COL25A1: variants seen among roughly 807,000 people sequenced by gnomAD.
COL25A1 encodes the protein collagen alpha-1(XXV) chain.
COL25A1 carries 103 observed loss-of-function variants against 128.4 expected under a neutral mutation model. The observed-to-expected ratio is 0.80, with a 90% CI of 0.68 to 0.94. The LOEUF is 0.94. COL25A1 is among the 40% of genes least tolerant of loss of function. The probability of loss-of-function intolerance (pLI) is 0.00; values close to 1 mark genes in which losing one functional copy is unlikely to be tolerated. For missense variants in COL25A1, 745 were observed against 840.0 expected (o/e 0.89, Z 1.40); for synonymous variants, 279 against 277.2 (o/e 1.01, Z -0.06).
At chr4:108,955,450 T>C (rs1749963365) in intron 8 of COL25A1, among the ~76,000 whole-genome samples, 1 of 152,192 alleles carries the variant, frequency 6.6e-6, no homozygotes. Context: ...ATCCAATTTG[T>C]GAATTACTAA....
intron 3 of COL25A1, among the ~76,000 whole-genome samples, chr4:109,178,484 T>C (rs1774303038): frequency 1.3e-5 from 2 of 152,166 alleles, no homozygotes; most frequent in East Asian, 3.9e-4. Context: ...ACAATGAGGC[T>C]GAGGACAAAC....
intron 20 of COL25A1, among the ~76,000 whole-genome samples, chr4:108,868,691 G>T (rs181896477): frequency 7.1e-6 from 1 of 139,956 alleles, no homozygotes; most frequent in Non-Finnish European, 1.5e-5. Flanking sequence ...GAAGGGAAGC[G>T]AAGGGAAGGA....
In COL25A1 at chr4:108,817,449, A is replaced by T; in HGVS notation, c.1924-14T>A. The T allele has an allele frequency of 3.1e-6, 5 of 1,612,314 alleles. No homozygotes were observed. The highest frequency in any genetic ancestry group is 4.2e-6 in the Non-Finnish European group (5 of 1,178,660). On this transcript the variant is annotated splice_polypyrimidine_tract_variant and intron_variant, in intron 36 of 37. Coordinates refer to ENST00000399132, the MANE Select transcript of COL25A1 (RefSeq NM_198721.4). ...GCCATCTGGCCCCTGTTTTAAAGAG[A>T]AGAAAAAGAATTCCTCAGGTTCCAT...
chr4:109,155,039 T>G (rs1278790265), intron 3 of COL25A1, among the ~76,000 whole-genome samples: 1 of 152,158 alleles, frequency 6.6e-6, no homozygotes, highest in African/African-American at 2.4e-5. Flanking sequence ...AGCTCTGATA[T>G]CACTTAAAGT....
At chr4:109,077,085 T>C (rs539688626) in intron 3 of COL25A1, among the ~76,000 whole-genome samples, 5 of 152,158 alleles carry the variant, frequency 3.3e-5, no homozygotes, top group South Asian at 2.1e-4. Context: ...GCTCTTGCTG[T>C]GTTTAAAGCA....
chr4:109,040,644 C>T (rs1176969493), intron 5 of COL25A1, among the ~76,000 whole-genome samples: 1 of 152,116 alleles, frequency 6.6e-6, no homozygotes, highest in Non-Finnish European at 1.5e-5. Context: ...AGGCAGACCG[C>T]CCTAGGAATT....
intron 3 of COL25A1, among the ~76,000 whole-genome samples, chr4:109,239,470 T>C (rs1354582936): frequency 6.7e-6 from 1 of 149,008 alleles, no homozygotes; most frequent in Non-Finnish European, 1.5e-5. Context: ...GCTACAAACC[T>C]GTACAGCAGG....
At chr4:108,942,309 C>T (rs1310344896) in intron 8 of COL25A1, 11 of 1,528,820 alleles carry the variant, frequency 7.2e-6, no homozygotes, top group Admixed American at 3.9e-5. Context: ...CGACATAAAA[C>T]GTCACACAGA....
chr4:109,030,730 A>T (rs1453682743), intron 5 of COL25A1, among the ~76,000 whole-genome samples: 3 of 151,798 alleles, frequency 2.0e-5, no homozygotes, highest in Admixed American at 6.6e-5. Flanking sequence ...CCTGTTAAAA[A>T]TTTTTAAAAG....
intron 3 of COL25A1, among the ~76,000 whole-genome samples, chr4:109,162,176 G>A (rs1183873954): frequency 2.0e-5 from 3 of 152,172 alleles, no homozygotes; most frequent in Non-Finnish European, 4.4e-5. Flanking sequence ...TATCAGGAAA[G>A]GCTTCCCGTA....
At chr4:109,266,144 A>C (rs1781778888) in intron 3 of COL25A1, among the ~76,000 whole-genome samples, 3 of 152,228 alleles carry the variant, frequency 2.0e-5, no homozygotes, top group Admixed American at 2.0e-4. Flanking sequence ...ACACATGAAA[A>C]GTTTTTTAAC....
At chr4:109,278,216 G>A (rs1723035855) in intron 3 of COL25A1, among the ~76,000 whole-genome samples, 2 of 151,972 alleles carry the variant, frequency 1.3e-5, no homozygotes, top group South Asian at 2.1e-4. Flanking sequence ...CTACAGCACA[G>A]AAATAGAATT....
intron 4 of COL25A1, 39 bp downstream of exon 4, chr4:109,050,096 G>A: frequency 1.3e-6 from 2 of 1,571,426 alleles, no homozygotes; most frequent in Non-Finnish European, 1.7e-6. Context: ...AACTTAACCA[G>A]AACATGAGTG....
At chr4:108,869,625 T>C (rs913524166) in intron 19 of COL25A1, among the ~76,000 whole-genome samples, 1 of 152,198 alleles carries the variant, frequency 6.6e-6, no homozygotes, top group Non-Finnish European at 1.5e-5. Flanking sequence ...GGTAGAGAAC[T>C]GGTGTTGGAA....
At chr4:109,294,296 AG>A (rs1453067766) in intron 3 of COL25A1, among the ~76,000 whole-genome samples, 1 of 152,118 alleles carries the variant, frequency 6.6e-6, no homozygotes, top group Admixed American at 6.5e-5. Context: ...ATCACAGAAT[AG>A]TCATTTGGAG....
intron 11 of COL25A1, among the ~76,000 whole-genome samples, chr4:108,933,814 G>A (rs75394602): frequency 0.019 from 2,793 of 150,952 alleles, 82 homozygotes; most frequent in African/African-American, 0.062. Context: ...TTCTAAAACC[G>A]GAACTACTTT....
rs191115715 is a variant in COL25A1 at position 108,824,892 on chromosome 4, T to C, written c.1791+304A>G. 3.8e-4 allele frequency among the ~76,000 whole-genome samples: 58 copies of C among 152,338 alleles called. No homozygotes were observed. In the East Asian group the frequency reaches 9.6e-3, roughly 25 times the overall value. On this transcript the variant is annotated intron_variant, in intron 34 of 37. Transcript: ENST00000399132. Reference sequence around the variant, plus strand: ...GCATGTGAGAAGTATATTGATTTTATGCATATTTTTCATAAATAGGTCATG... The same window carrying C: ...GCATGTGAGAAGTATATTGATTTTACGCATATTTTTCATAAATAGGTCATG...
chr4:109,079,823 C>T (rs1377364142), intron 3 of COL25A1, among the ~76,000 whole-genome samples: 2 of 151,646 alleles, frequency 1.3e-5, no homozygotes, highest in African/African-American at 4.8e-5. Context: ...AAAACTGGTG[C>T]TGTTTTGAGA....
chr4:108,995,047 G>T (rs1754623623), intron 6 of COL25A1, among the ~76,000 whole-genome samples: 1 of 152,176 alleles, frequency 6.6e-6, no homozygotes, highest in Non-Finnish European at 1.5e-5. Flanking sequence ...CAAAAAAACA[G>T]AGTGCCTCTT....
Sources: gnomAD v4.1 joint callset for allele counts (sites outside exome capture counted in the v4.1 genomes callset) on GRCh38, gnomAD v4.1.1 for gene constraint, MANE v1.5 for transcripts, NCBI Gene and HGNC (gene_info 2026-07-23, HGNC 2026-07-21) for gene names.